FRYL: variants seen among roughly 807,000 people sequenced by gnomAD.
The protein encoded by FRYL is FRY like transcription coactivator, also known as protein furry homolog-like.
In FRYL, 150 loss-of-function variants were observed where a neutral mutation model predicts 351.2. The ratio of observed to expected loss-of-function variants is 0.43; its 90% CI spans 0.37 to 0.49. The LOEUF (loss-of-function observed/expected upper bound fraction) is 0.49, where lower values mean the gene tolerates loss of function less well. Among genes scored for constraint, FRYL ranks in the 20% least tolerant of loss-of-function variants. The probability of loss-of-function intolerance (pLI) is 0.00; values close to 1 mark genes in which losing one functional copy is unlikely to be tolerated. For synonymous variants in FRYL, 1,153 were observed against 1,257.1 expected (o/e 0.92, Z 1.75); for missense variants, 3,036 against 3,619.3 (o/e 0.84, Z 4.13).
chr4:48,648,595 G>C (rs138129963), intron 3 of FRYL, among the ~76,000 whole-genome samples: 11 of 152,118 alleles, frequency 7.2e-5, no homozygotes, highest in African/African-American at 2.4e-4. Context: ...AGTGTTCTTA[G>C]TGTTCTTTTG....
chr4:48,561,557 G>A lies in FRYL; in HGVS notation c.3776C>T (p.Pro1259Leu). ...TGAAACAGAATAGAGATGTGGTAGA[G>A]GAGACAGCTGGCTGAGTACTCCATC... ...RTDGVLSQLS[P>L]LPHLYSVSYY... is the part of the protein sequence containing the mutation. Residue 1259 changes from proline (P) to leucine (L), a missense_variant, in exon 33 of 64, where the codon CCT (proline) becomes CTT (leucine). Around this residue, in one of 7 missense-constraint regions of FRYL, gnomAD observed 1,987 missense variants for 2,311.7 expected, o/e 0.86. Coordinates refer to ENST00000358350, the MANE Select transcript of FRYL (RefSeq NM_015030.2). The A allele has an allele frequency of 6.2e-7, 1 of 1,612,836 alleles. No individual in the cohort carries two copies.
chr4:48,667,094 AT>A (rs1007705635), intron 3 of FRYL, among the ~76,000 whole-genome samples: 11 of 152,198 alleles, frequency 7.2e-5, no homozygotes, highest in South Asian at 6.2e-4. Flanking sequence ...TTTACAGCTA[AT>A]TTTTTTTAAA....
intron 1 of FRYL, among the ~76,000 whole-genome samples, chr4:48,716,255 A>T (rs1167647901): frequency 1.3e-5 from 2 of 151,496 alleles, no homozygotes; most frequent in Non-Finnish European, 2.9e-5. Flanking sequence ...CAATGGCAAC[A>T]AAAGCCAAAA....
intron 3 of FRYL, among the ~76,000 whole-genome samples, chr4:48,649,869 C>T (rs1453869962): frequency 6.6e-5 from 10 of 152,142 alleles, no homozygotes; most frequent in South Asian, 4.2e-4. Flanking sequence ...ATACAAAGCA[C>T]GCAAATGCAT....
intron 3 of FRYL, among the ~76,000 whole-genome samples, chr4:48,663,962 C>T (rs1173173169): frequency 6.6e-6 from 1 of 152,012 alleles, no homozygotes; most frequent in Non-Finnish European, 1.5e-5. Flanking sequence ...CCAGAGGGAG[C>T]CTGAGATAGG....
At chr4:48,715,913 G>C (rs886318555) in intron 1 of FRYL, among the ~76,000 whole-genome samples, 6 of 152,062 alleles carry the variant, frequency 3.9e-5, no homozygotes, top group Non-Finnish European at 8.8e-5. Flanking sequence ...CATGGTACTG[G>C]TACCAAAACA....
At chr4:48,541,949 G>T (rs1730267600) in intron 45 of FRYL, 78 bp downstream of exon 45, 1 of 991,860 alleles carries the variant, frequency 1.0e-6, no homozygotes, top group Admixed American at 1.9e-5. Flanking sequence ...AACAATATTA[G>T]AATTTTAAAA....
At chr4:48,602,835 T>C (rs896484001) in intron 12 of FRYL, among the ~76,000 whole-genome samples, 3 of 152,208 alleles carry the variant, frequency 2.0e-5, no homozygotes, top group African/African-American at 7.2e-5. Context: ...CTGTACCTTC[T>C]CGTGTTTAGA....
chr4:48,599,808 A>G (rs1745337666), intron 13 of FRYL, among the ~76,000 whole-genome samples: 1 of 152,168 alleles, frequency 6.6e-6, no homozygotes, highest in African/African-American at 2.4e-5. Flanking sequence ...AAAACCAGTC[A>G]TAAGAAGTAT....
intron 11 of FRYL, 79 bp from the exon 12 acceptor site, chr4:48,603,467 T>G: frequency 1.0e-6 from 1 of 959,090 alleles, no homozygotes; most frequent in Non-Finnish European, 1.6e-6. Context: ...GAACTTTCTG[T>G]AAGGTTTGAA....
intron 9 of FRYL, among the ~76,000 whole-genome samples, chr4:48,607,626 C>T (rs1454312124): frequency 6.6e-6 from 1 of 152,142 alleles, no homozygotes; most frequent in Non-Finnish European, 1.5e-5. Flanking sequence ...CCTTCTCTTC[C>T]CCACTCCCAC....
intron 2 of FRYL, among the ~76,000 whole-genome samples, chr4:48,707,826 CTTT>C (rs879274504): frequency 7.0e-6 from 1 of 143,728 alleles, no homozygotes. Flanking sequence ...ATTTCTTTTT[CTTT>C]TTTTTTTTTG....
Position 48,547,749 on chromosome 4 carries a change from C to G in FRYL, c.4909G>C (p.Glu1637Gln), listed in dbSNP as rs1344688943. 2.6e-6 allele frequency: 4 copies of G among 1,525,390 alleles called. No individual in the cohort carries two copies. The highest frequency in any genetic ancestry group is 3.6e-6 in the Non-Finnish European group (4 of 1,124,630). The allele number at this position is 1,525,390 out of a possible 1,614,324, so 94.5% of individuals were successfully genotyped here. ...AGGCGTTTACAATGTTCATACACCT[C>G]AGGGTGGCAGTGGTCAAACCCTAAA... is the stretch of plus-strand genomic sequence containing the variant. ...IFIGFDHCHP[E>Q]VYEHCKRLLL... is the part of the protein sequence containing the mutation. Residue 1637 changes from glutamate to glutamine, a missense_variant, in exon 41 of 64, where the codon GAG becomes CAG. Physicochemically the swap from Glu to Gln is conservative, Grantham distance 29. This residue lies in a region of FRYL where 1,987 missense variants were observed against 2,311.7 expected (regional missense o/e 0.86). Transcript: ENST00000358350.
chr4:48,727,770 A>C (rs572817577), intron 1 of FRYL, among the ~76,000 whole-genome samples: 20 of 152,208 alleles, frequency 1.3e-4, no homozygotes, highest in South Asian at 4.2e-4. Context: ...CCCCTAACTA[A>C]CTTGGGGGTA....
intron 3 of FRYL, among the ~76,000 whole-genome samples, chr4:48,645,704 G>T (rs934438730): frequency 6.6e-6 from 1 of 152,100 alleles, no homozygotes; most frequent in Non-Finnish European, 1.5e-5. Flanking sequence ...ATGCAGCCAG[G>T]GTTGTGAACT....
intron 16 of FRYL, among the ~76,000 whole-genome samples, chr4:48,592,910 T>C (rs575107066): frequency 2.6e-5 from 4 of 152,290 alleles, no homozygotes; most frequent in South Asian, 4.1e-4. Context: ...AGGATCAAGA[T>C]AGTAATTTAA....
rs186541809 is a variant in FRYL at position 48,713,344 on chromosome 4, C to T, written c.-383-2646G>A. Among the ~76,000 whole-genome samples the T allele has an allele frequency of 5.7e-3, 874 of 152,116 alleles. 12 individuals are homozygous for T. The highest frequency in any genetic ancestry group is 4.5e-3 in the Non-Finnish European group (307 of 67,996). On this transcript the variant is annotated intron_variant, in intron 1 of 63. Coordinates refer to ENST00000358350, the MANE Select transcript of FRYL (RefSeq NM_015030.2). ...GACTGGCAAATTGCATAAAGAGTCACGACCCATCAGTGTGCTGTATTCAGG... is the reference window on the plus strand; with the variant it reads ...GACTGGCAAATTGCATAAAGAGTCATGACCCATCAGTGTGCTGTATTCAGG...
chr4:48,524,350 C>G (rs1158259944), intron 53 of FRYL, among the ~76,000 whole-genome samples: 6 of 152,056 alleles, frequency 3.9e-5, no homozygotes, highest in Non-Finnish European at 7.4e-5. Flanking sequence ...CTTGGAAGCC[C>G]TAGGGCCCTG....
chr4:48,602,632 T>C (rs1745942158), intron 12 of FRYL, among the ~76,000 whole-genome samples: 1 of 152,160 alleles, frequency 6.6e-6, no homozygotes, highest in African/African-American at 2.4e-5. Context: ...TTAGAATTAC[T>C]GTATCTCTAG....
Sources: allele counts gnomAD v4.1 joint callset (sites outside exome capture counted in the v4.1 genomes callset), GRCh38; gene constraint gnomAD v4.1.1; regional missense constraint gnomAD v4.1.1; transcripts MANE v1.5; gene names NCBI Gene and HGNC (gene_info 2026-07-23, HGNC 2026-07-21).